The following STMN2 variants were observed in gnomAD, a reference collection of about 807,000 sequenced individuals.
STMN2 encodes stathmin 2.
A neutral mutation model predicts 24.1 loss-of-function variants in STMN2; 2 were observed. The observed-to-expected ratio is 0.08, with a 90% CI of 0.03 to 0.26. STMN2 has a LOEUF of 0.26. STMN2 is among the 10% of genes least tolerant of loss of function. The pLI is 1.00. For missense variants in STMN2, 114 were observed against 213.6 expected, an observed-to-expected ratio of 0.53 and a Z score of 2.91; for synonymous variants, 83 against 77.5, an observed-to-expected ratio of 1.07 and a Z score of -0.37.
At chr8:79,613,531 C>G (rs185225644) in intron 1 of STMN2, 7 of 985,384 alleles carry the variant, frequency 7.1e-6, no homozygotes, top group Admixed American at 6.1e-5. Flanking sequence ...TCTCGCCTCG[C>G]TTTCTGCACC....
At chr8:79,641,657 CACACACACACACACAT>C in intron 3 of STMN2, 107 bp downstream of exon 3, 2 of 812,272 alleles carry the variant, frequency 2.5e-6, no homozygotes, top group Non-Finnish European at 3.8e-6. Flanking sequence ...CACACACACA[CACACACACACACACAT>C]ACAGAGAGCA....
At chr8:79,617,335 ATAT>A (rs1309332895) in intron 1 of STMN2, among the ~76,000 whole-genome samples, 1 of 152,226 alleles carries the variant, frequency 6.6e-6, no homozygotes, top group Non-Finnish European at 1.5e-5. Context: ...CTTTCTGGAA[ATAT>A]TATGCTGCAA....
At chr8:79,651,056 A>G (rs377344434) in intron 3 of STMN2, among the ~76,000 whole-genome samples, 10 of 152,334 alleles carry the variant, frequency 6.6e-5, no homozygotes, top group African/African-American at 2.4e-4. Context: ...GTATTTTTGT[A>G]TGTGTGGACT....
intron 2 of STMN2, 61 bp from the exon 3 acceptor site, chr8:79,641,317 T>A (rs1288738810): frequency 6.5e-7 from 1 of 1,542,276 alleles, no homozygotes; most frequent in Admixed American, 2.1e-5. Flanking sequence ...ATCTAAATTA[T>A]TAAAATAAAC....
intron 1 of STMN2, among the ~76,000 whole-genome samples, chr8:79,618,316 C>T (rs1246725546): frequency 6.6e-6 from 1 of 152,150 alleles, no homozygotes; most frequent in Non-Finnish European, 1.5e-5. Flanking sequence ...AGACACATGG[C>T]GTTCTGCAGG....
intron 1 of STMN2, among the ~76,000 whole-genome samples, chr8:79,629,973 T>G (rs1313306476): frequency 1.3e-5 from 2 of 152,194 alleles, no homozygotes; most frequent in African/African-American, 4.8e-5. Flanking sequence ...TTATGCAAAC[T>G]CTTCAAGAAA....
At chr8:79,633,345 A>G (rs1809860773) in intron 1 of STMN2, among the ~76,000 whole-genome samples, 1 of 152,252 alleles carries the variant, frequency 6.6e-6, no homozygotes, top group Non-Finnish European at 1.5e-5. Flanking sequence ...AAATAACAGT[A>G]AAGATAAAAA....
At chr8:79,657,779 A>C (rs1806409294) in intron 4 of STMN2, among the ~76,000 whole-genome samples, 1 of 152,228 alleles carries the variant, frequency 6.6e-6, no homozygotes, top group Admixed American at 6.5e-5. Context: ...ATTTAATACA[A>C]AATTGTGGTT....
intron 2 of STMN2, among the ~76,000 whole-genome samples, chr8:79,639,290 T>G (rs1810038947): frequency 6.6e-6 from 1 of 152,244 alleles, no homozygotes; most frequent in African/African-American, 2.4e-5. Context: ...CACTTGAAGA[T>G]GTTTAGCCTG....
At chr8:79,631,440 A>G in intron 1 of STMN2, 2 of 985,178 alleles carry the variant, frequency 2.0e-6, no homozygotes, top group Non-Finnish European at 2.4e-6. Flanking sequence ...AGAGATGGGT[A>G]GAATCTAATT....
At chr8:79,630,970 G>A (rs982460996) in intron 1 of STMN2, among the ~76,000 whole-genome samples, 10 of 152,170 alleles carry the variant, frequency 6.6e-5, no homozygotes, top group East Asian at 1.9e-4. Context: ...AGAATAAAGC[G>A]CTTTCATTAC....
chr8:79,623,284 T>A (rs1809562378), intron 1 of STMN2, among the ~76,000 whole-genome samples: 1 of 152,242 alleles, frequency 6.6e-6, no homozygotes, highest in South Asian at 2.1e-4. Context: ...ATCAATAATC[T>A]GTTATTGCTA....
intron 3 of STMN2, among the ~76,000 whole-genome samples, chr8:79,649,574 A>G (rs1358647747): frequency 1.3e-5 from 2 of 152,148 alleles, no homozygotes; most frequent in East Asian, 3.8e-4. Flanking sequence ...ATAATTACAG[A>G]CACATCACCT....
chr8:79,615,981 T>TC (rs1809373464), intron 1 of STMN2, among the ~76,000 whole-genome samples: 1 of 152,240 alleles, frequency 6.6e-6, no homozygotes, highest in African/African-American at 2.4e-5. Context: ...ATTTTAATGC[T>TC]TAAAAATAAA....
At chr8:79,630,947 T>C (rs1809786922) in intron 1 of STMN2, among the ~76,000 whole-genome samples, 1 of 152,212 alleles carries the variant, frequency 6.6e-6, no homozygotes, top group Non-Finnish European at 1.5e-5. Flanking sequence ...GATAAAAATC[T>C]TGACACATAA....
chr8:79,641,499 G>T lies in STMN2; in HGVS notation c.237G>T (p.Leu79=), dbSNP rs373293098. The change falls in exon 3 of 5, where the codon CTG becomes CTT. Residue 79 remains leucine (L), a synonymous_variant. Transcript: ENST00000220876. Reference sequence around the variant, plus strand: ...TAGCTTCTCCAAAGAAGAAAGACCTGTCCCTGGAGGAGATCCAGAAGAAAC... The same window carrying T: ...TAGCTTCTCCAAAGAAGAAAGACCTTTCCCTGGAGGAGATCCAGAAGAAAC... ...RTLASPKKKD[L]SLEEIQKKLE... is the part of the protein sequence containing the mutation. 2 of 1,613,894 alleles carry T rather than the reference G, an allele frequency of 1.2e-6. No homozygotes were observed. Among genetic ancestry groups the T allele is most frequent in the African/African-American group, 2.7e-5 (2 of 74,874 alleles).
chr8:79,619,256 A>G (rs1011337000), intron 1 of STMN2, among the ~76,000 whole-genome samples: 5 of 152,176 alleles, frequency 3.3e-5, no homozygotes, highest in African/African-American at 4.8e-5. Context: ...TCTTTATATC[A>G]GGATAAAGAG....
intron 1 of STMN2, among the ~76,000 whole-genome samples, chr8:79,634,609 G>A (rs1034519794): frequency 2.0e-5 from 3 of 152,172 alleles, no homozygotes; most frequent in Non-Finnish European, 4.4e-5. Context: ...TAAATAGATT[G>A]ATTTACTGCA....
intron 1 of STMN2, among the ~76,000 whole-genome samples, chr8:79,634,809 A>G (rs571616497): frequency 6.6e-6 from 1 of 152,264 alleles, no homozygotes. Context: ...CCAAGAAAAG[A>G]TGCACCTGTC....
Sources: gnomAD v4.1 joint callset for allele counts (sites outside exome capture counted in the v4.1 genomes callset) on GRCh38, gnomAD v4.1.1 for gene constraint, MANE v1.5 for transcripts, NCBI Gene and HGNC (gene_info 2026-07-23, HGNC 2026-07-21) for gene names.